Variants in TMEM181 observed in about 807,000 individuals in gnomAD.
TMEM181 encodes G protein-coupled receptor 178.
TMEM181 carries 39 observed loss-of-function variants against 71.9 expected under a neutral mutation model. That is an observed-to-expected ratio of 0.54 (90% confidence interval 0.42 to 0.71). TMEM181 has a LOEUF of 0.71. Ranked by LOEUF, TMEM181 falls within the 30% of genes least tolerant of loss-of-function variation. The probability of loss-of-function intolerance (pLI) is 0.00; values close to 1 mark genes in which losing one functional copy is unlikely to be tolerated. For synonymous variants in TMEM181, 245 were observed against 228.8 expected (o/e 1.07, Z -0.64); for missense variants, 595 against 583.0 (o/e 1.02, Z -0.21).
intron 5 of TMEM181, among the ~76,000 whole-genome samples, chr6:158,587,380 G>A (rs1582990723): frequency 6.6e-6 from 1 of 152,148 alleles, no homozygotes; most frequent in East Asian, 1.9e-4. Context: ...TACCCCTTGG[G>A]AATATCTTGC....
intron 1 of TMEM181, among the ~76,000 whole-genome samples, chr6:158,538,907 A>T (rs1322551861): frequency 1.3e-5 from 2 of 152,248 alleles, no homozygotes; most frequent in Non-Finnish European, 2.9e-5. Flanking sequence ...TTCAAGGCAC[A>T]GATGGAAGAC....
At chr6:158,582,359 C>T (rs1244164327) in intron 3 of TMEM181, among the ~76,000 whole-genome samples, 3 of 152,180 alleles carry the variant, frequency 2.0e-5, no homozygotes, top group Non-Finnish European at 4.4e-5. Flanking sequence ...TAGCTCATTC[C>T]TGGAGAGATT....
At chr6:158,581,696 C>A (rs10214712) in intron 3 of TMEM181, among the ~76,000 whole-genome samples, 1 of 144,058 alleles carries the variant, frequency 6.9e-6, no homozygotes, top group Non-Finnish European at 1.5e-5. Context: ...GGGAGCTTGC[C>A]GTCAGCCAAG....
At chr6:158,545,263 T>C (rs1360917127) in intron 1 of TMEM181, among the ~76,000 whole-genome samples, 21 of 152,266 alleles carry the variant, frequency 1.4e-4, no homozygotes. Flanking sequence ...AGCCCCATTG[T>C]TCTGCATGTT....
chr6:158,611,528 A>G, intron 10 of TMEM181: 1 of 477,338 alleles, frequency 2.1e-6, no homozygotes, highest in Admixed American at 2.5e-5. Context: ...TGGAGTTACG[A>G]GAACTATCTT....
chr6:158,604,116 C>T (rs1440395936), intron 6 of TMEM181, among the ~76,000 whole-genome samples: 1 of 152,170 alleles, frequency 6.6e-6, no homozygotes, highest in African/African-American at 2.4e-5. Flanking sequence ...TTGGGAGGTT[C>T]GTTCTCTCTC....
intron 10 of TMEM181, chr6:158,611,096 CT>C: frequency 2.0e-6 from 1 of 493,890 alleles, no homozygotes. Context: ...AGTGACTGTC[CT>C]TTGGTCCCCA....
At chr6:158,537,353 CG>C (rs1299807600) in intron 1 of TMEM181, among the ~76,000 whole-genome samples, 1 of 152,102 alleles carries the variant, frequency 6.6e-6, no homozygotes, top group African/African-American at 2.4e-5. Context: ...GCCTCGGAGG[CG>C]GGGGCGCCGC....
intron 1 of TMEM181, among the ~76,000 whole-genome samples, chr6:158,537,715 T>A (rs1275207994): frequency 2.6e-5 from 4 of 152,154 alleles, no homozygotes; most frequent in African/African-American, 9.7e-5. Context: ...AACCAGAAGG[T>A]CTCAGAAAGC....
intron 6 of TMEM181, among the ~76,000 whole-genome samples, chr6:158,590,444 G>GT (rs539262297): frequency 4.8e-4 from 72 of 151,234 alleles, no homozygotes; most frequent in South Asian, 4.0e-3. Context: ...ACGTTCAGTG[G>GT]TTTTTTTTTG....
At chr6:158,557,222 A>G (rs1487481995), upstream of TMEM181, among the ~76,000 whole-genome samples, 15 of 152,138 alleles carry the variant, frequency 9.9e-5, no homozygotes, top group Admixed American at 9.8e-4. Context: ...AAAAAATACA[A>G]AATTAGCTGG....
At chr6:158,608,584 A>T in intron 9 of TMEM181, 75 bp from the exon 10 acceptor site, 1 of 1,597,442 alleles carries the variant, frequency 6.3e-7, no homozygotes, top group Non-Finnish European at 8.5e-7. Flanking sequence ...GCCCATACTC[A>T]ATGGAAAAAT....
chr6:158,605,108 C>A (rs1310370302), intron 6 of TMEM181, among the ~76,000 whole-genome samples, 159 bp from the exon 7 acceptor site: 1 of 119,734 alleles, frequency 8.4e-6, no homozygotes, highest in African/African-American at 3.6e-5. Flanking sequence ...AGCGAGACTC[C>A]ATATCCAAAA....
rs537287423 is a variant in TMEM181, at chr6:158,554,888, T to C, written c.131+18023T>C. On this transcript the variant is annotated intron_variant, in intron 1 of 16. Transcript: ENST00000367090. ...GAAACCTGTTCACATGTCTGAACTTTATTTGCCCCGATAGGTAATCTAATG... is the reference window on the plus strand; with the variant it reads ...GAAACCTGTTCACATGTCTGAACTTCATTTGCCCCGATAGGTAATCTAATG... Among the ~76,000 whole-genome samples the C allele has an allele frequency of 2.6e-5, 4 of 152,372 alleles. No individual in the cohort carries two copies. In the South Asian group the frequency reaches 6.2e-4, roughly 24 times the overall value.
At position 158,589,744 on chromosome 6, in the gene TMEM181, G is replaced by A; in HGVS notation, c.454G>A (p.Glu152Lys). 6.2e-7 allele frequency: 1 copy of A among 1,614,116 alleles called. No individual in the cohort carries two copies. Among genetic ancestry groups the A allele is most frequent in the Non-Finnish European group, 8.5e-7 (1 of 1,180,002 alleles). ...TCAGTATACAGTGATAGTGGGATTT[G>A]AACACCTGAAGCTCCCCATCAAGGG... ...YTQYTVIVGFEHLKLPIKGMN... is the reference protein window; with the variant it reads ...YTQYTVIVGFKHLKLPIKGMN... The change falls in exon 6 of 17, where the codon GAA (glutamate) becomes AAA (lysine). Residue 152 changes from glutamate to lysine, a missense_variant. Coordinates refer to ENST00000684151, the MANE Select transcript of TMEM181 (RefSeq NM_001376852.1).
intron 1 of TMEM181, among the ~76,000 whole-genome samples, chr6:158,547,887 C>CAAA (rs34148643): frequency 7.0e-5 from 4 of 57,054 alleles, no homozygotes; most frequent in East Asian, 1.0e-3. Context: ...AACTCTGTCT[C>CAAA]AAAAAAAAAA....
intron 1 of TMEM181, among the ~76,000 whole-genome samples, chr6:158,542,124 C>T (rs1781377243): frequency 6.6e-6 from 1 of 151,828 alleles, no homozygotes; most frequent in Non-Finnish European, 1.5e-5. Context: ...CCAGGCTGGT[C>T]TCGAACCCCT....
At chr6:158,568,675 A>G (rs887995849) in intron 1 of TMEM181, among the ~76,000 whole-genome samples, 48 of 152,154 alleles carry the variant, frequency 3.2e-4, no homozygotes, top group Non-Finnish European at 1.2e-4. Flanking sequence ...CTAGGTTGGC[A>G]TGGTGTTAGA....
At chr6:158,628,711 T>C (rs1786483082) in intron 14 of TMEM181, among the ~76,000 whole-genome samples, 1 of 152,224 alleles carries the variant, frequency 6.6e-6, no homozygotes, top group Non-Finnish European at 1.5e-5. Flanking sequence ...GGCTCAGTAG[T>C]TGCCCCAGGT....
Sources: gnomAD v4.1 joint callset for allele counts (sites outside exome capture counted in the v4.1 genomes callset) on GRCh38, gnomAD v4.1.1 for gene constraint, MANE v1.5 for transcripts, NCBI Gene and HGNC (gene_info 2026-07-23, HGNC 2026-07-21) for gene names.